The following SH3RF2 variants were observed in gnomAD, a reference collection of about 807,000 sequenced individuals.
SH3RF2 encodes E3 ubiquitin-protein ligase SH3RF2.
In SH3RF2, 43 loss-of-function variants were observed where a neutral mutation model predicts 59.0. That is an observed-to-expected ratio of 0.73 (90% CI 0.57 to 0.94). The LOEUF (loss-of-function observed/expected upper bound fraction) is 0.94, where lower values mean the gene tolerates loss of function less well. Ranked by LOEUF, SH3RF2 falls within the 40% of genes least tolerant of loss-of-function variation. SH3RF2 has a pLI of 0.00. For synonymous variants in SH3RF2, 391 were observed against 391.5 expected (o/e 1.00, Z 0.01); for missense variants, 930 against 940.1 (o/e 0.99, Z 0.14).
chr5:146,072,813 G>A (rs929941087), intron 9 of SH3RF2, among the ~76,000 whole-genome samples: 5 of 152,138 alleles, frequency 3.3e-5, no homozygotes, highest in Admixed American at 2.0e-4. Flanking sequence ...TCCAAATACA[G>A]GCCCCGTGTT....
chr5:146,060,248 G>T (rs1267113016), intron 9 of SH3RF2, 24 bp downstream of exon 9: 1 of 1,566,574 alleles, frequency 6.4e-7, no homozygotes, highest in Non-Finnish European at 8.7e-7. Context: ...GACATTGGGG[G>T]CCCAACTCTT....
chr5:145,997,158 C>T, intron 2 of SH3RF2: 1 of 692,492 alleles, frequency 1.4e-6, no homozygotes. Context: ...CTTCCTGTTG[C>T]TCCTCATTCT....
At chr5:145,990,817 A>T (rs1441486077) in intron 2 of SH3RF2, among the ~76,000 whole-genome samples, 1 of 152,172 alleles carries the variant, frequency 6.6e-6, no homozygotes, top group African/African-American at 2.4e-5. Flanking sequence ...CACAAACTTT[A>T]TTCCTGTGCC....
chr5:146,033,077 C>T lies in SH3RF2; in HGVS notation c.1060-14695C>T, dbSNP rs1761797010. ...TGGCTCTGTGGCCTTGGGCAAGTTACTAATCATATGTTTTTGCCTTGACAT... is the reference window on the plus strand; with the variant it reads ...TGGCTCTGTGGCCTTGGGCAAGTTATTAATCATATGTTTTTGCCTTGACAT... On this transcript the variant is annotated intron_variant, in intron 5 of 9. Transcript: ENST00000359120. Among the ~76,000 whole-genome samples the T allele has an allele frequency of 2.0e-5, 3 of 152,184 alleles. No homozygotes were observed. The South Asian group carries it at 6.2e-4, about 32-fold the overall frequency.
chr5:145,980,003 C>T lies in SH3RF2; in HGVS notation c.379-20055C>T, dbSNP rs545100470. Among the ~76,000 whole-genome samples the T allele has an allele frequency of 6.6e-5, 10 of 152,318 alleles. No homozygotes were observed. The South Asian group carries it at 2.1e-3, about 32-fold the overall frequency. On this transcript the variant is annotated intron_variant, in intron 2 of 9. Coordinates refer to ENST00000359120, the MANE Select transcript of SH3RF2 (RefSeq NM_152550.4). ...AGGTGACAGAGACATTAGCCCAATG[C>T]TCAGCACGGGGCAATGCTCAGTAAT...
Position 146,026,392 on chromosome 5 carries a change from G to A in SH3RF2, c.1059+12331G>A, listed in dbSNP as rs565638649. On this transcript the variant is annotated intron_variant, in intron 5 of 9. Transcript: ENST00000359120. Reference sequence around the variant, plus strand: ...TAGCACTCCCACAGTTAACTGTATAGCCCTGGACAAAGGGTTTTGCCTGTC... The same window carrying A: ...TAGCACTCCCACAGTTAACTGTATAACCCTGGACAAAGGGTTTTGCCTGTC... Among the ~76,000 whole-genome samples the A allele has an allele frequency of 3.3e-5, 5 of 152,334 alleles. No homozygotes were observed. The South Asian group carries it at 1.0e-3, about 32-fold the overall frequency.
chr5:145,943,307 A>G (rs1473406619), intron 2 of SH3RF2, among the ~76,000 whole-genome samples: 1 of 152,008 alleles, frequency 6.6e-6, no homozygotes, highest in East Asian at 1.9e-4. Context: ...GTGATGAGAA[A>G]TAGGTCAGTG....
At chr5:146,048,937 G>A in intron 6 of SH3RF2, 138 bp from the exon 7 acceptor site, 1 of 978,960 alleles carries the variant, frequency 1.0e-6, no homozygotes, top group South Asian at 1.6e-5. Flanking sequence ...GATTAGAGGT[G>A]AGAACCACCG....
rs116401594 is a variant in SH3RF2 at position 146,047,696 on chromosome 5, G to A, written c.1060-76G>A. 2,395 of 1,372,900 alleles carry A rather than the reference G, an allele frequency of 1.7e-3. 25 individuals carry two copies. The African/African-American group carries it at 0.028, about 16-fold the overall frequency. The allele number at this position is 1,372,900 out of a possible 1,614,324, so 85.0% of individuals were successfully genotyped here. On this transcript the variant is annotated intron_variant, in intron 5 of 9. Transcript: ENST00000359120. ...TTTCAGCTGTGTCAGGTCTTTCTACGTAGCTGCTCTGTTTGCTGTGGGCCT... is the reference window on the plus strand; with the variant it reads ...TTTCAGCTGTGTCAGGTCTTTCTACATAGCTGCTCTGTTTGCTGTGGGCCT...
intron 4 of SH3RF2, among the ~76,000 whole-genome samples, chr5:146,007,595 T>C (rs1481194852): frequency 6.6e-6 from 1 of 152,210 alleles, no homozygotes; most frequent in Non-Finnish European, 1.5e-5. Context: ...TCTTCATAAG[T>C]CTGGGCTGGG....
intron 5 of SH3RF2, among the ~76,000 whole-genome samples, chr5:146,046,084 C>T (rs1249306846): frequency 1.3e-5 from 2 of 152,182 alleles, no homozygotes; most frequent in African/African-American, 2.4e-5. Context: ...CAATCATTGA[C>T]GTAGACACAT....
chr5:146,062,704 C>G lies in SH3RF2; in HGVS notation c.*3C>G, dbSNP rs1762945539. On this transcript the variant is annotated 3_prime_UTR_variant, in exon 10 of 10. Transcript: ENST00000359120. The stretch of plus-strand genomic sequence containing the variant: ...AGACCGTGTTTCCCAGCAAATGAAC[C>G]TACGGGTGGCTTTTCCTAGACCCCA... 3 of 1,609,610 alleles carry G rather than the reference C, an allele frequency of 1.9e-6. No individual in the cohort carries two copies. The highest frequency in any genetic ancestry group is 1.1e-5 in the South Asian group (1 of 90,760).
intron 2 of SH3RF2, among the ~76,000 whole-genome samples, chr5:145,938,833 G>A (rs1370751487): frequency 1.3e-5 from 2 of 152,224 alleles, no homozygotes; most frequent in South Asian, 2.1e-4. Context: ...ACTTGACGCG[G>A]GAGATAGTGC....
intron 5 of SH3RF2, among the ~76,000 whole-genome samples, chr5:146,039,054 C>T (rs1762039107): frequency 6.6e-6 from 1 of 152,148 alleles, no homozygotes; most frequent in Non-Finnish European, 1.5e-5. Context: ...CTTTGCAGAT[C>T]AGAAGGGAAG....
chr5:146,063,573 A>G (rs952963288), downstream of SH3RF2, among the ~76,000 whole-genome samples: 1 of 152,334 alleles, frequency 6.6e-6, no homozygotes, highest in Admixed American at 6.5e-5. Context: ...AGAAAGCACA[A>G]CGTGGGCCAG....
chr5:146,001,520 A>G (rs997054963), intron 3 of SH3RF2, among the ~76,000 whole-genome samples: 1 of 152,196 alleles, frequency 6.6e-6, no homozygotes, highest in African/African-American at 2.4e-5. Context: ...CCAAACAGCA[A>G]AGTGTAGACC....
At chr5:146,031,879 A>C (rs11742606) in intron 5 of SH3RF2, among the ~76,000 whole-genome samples, 45,330 of 151,962 alleles carry the variant, frequency 0.3, 7,944 homozygotes, top group Non-Finnish European at 0.38. Flanking sequence ...CATCCCCAGC[A>C]CCATCCCTTC....
chr5:146,053,990 G>A (rs1046106210), intron 7 of SH3RF2, among the ~76,000 whole-genome samples: 2 of 152,132 alleles, frequency 1.3e-5, no homozygotes, highest in African/African-American at 4.8e-5. Flanking sequence ...AAGGACGCAG[G>A]GACCTGCACG....
chr5:146,049,005 T>G, intron 6 of SH3RF2, 70 bp from the exon 7 acceptor site: 33 of 1,541,304 alleles, frequency 2.1e-5, no homozygotes, highest in African/African-American at 2.7e-5. Flanking sequence ...CTCTCCACCA[T>G]TCCCCCACTC....
Sources: gnomAD v4.1 joint callset for allele counts (sites outside exome capture counted in the v4.1 genomes callset) on GRCh38, gnomAD v4.1.1 for gene constraint, MANE v1.5 for transcripts, NCBI Gene and HGNC (gene_info 2026-07-23, HGNC 2026-07-21) for gene names.